Variants in MLC1 observed in about 807,000 individuals in gnomAD.
MLC1 encodes membrane protein MLC1.
MLC1 carries 32 observed loss-of-function variants against 44.7 expected under a neutral mutation model. That is an observed-to-expected ratio of 0.72 (90% confidence interval 0.54 to 0.96). The LOEUF is 0.96. MLC1 is among the 40% of genes least tolerant of loss of function. The pLI, the probability that MLC1 is intolerant of heterozygous loss-of-function variation, is 0.00. For synonymous variants in MLC1, 190 were observed against 213.0 expected (o/e 0.89, Z 0.94); for missense variants, 459 against 492.2 (o/e 0.93, Z 0.64).
At chr22:50,064,813 G>C (rs1431023066) in intron 10 of MLC1, among the ~76,000 whole-genome samples, 1 of 152,176 alleles carries the variant, frequency 6.6e-6, no homozygotes, top group African/African-American at 2.4e-5. Flanking sequence ...TCCCGTGTTG[G>C]CTCAAGAAAA....
intron 10 of MLC1, among the ~76,000 whole-genome samples, chr22:50,066,644 A>G (rs1459834911): frequency 6.6e-6 from 1 of 150,618 alleles, no homozygotes; most frequent in Non-Finnish European, 1.5e-5. Flanking sequence ...TGGGAGACAG[A>G]GTGAGACTCT....
chr22:50,083,931 G>A lies in MLC1; in HGVS notation c.178-758C>T, dbSNP rs755271455. 2.4e-4 allele frequency among the ~76,000 whole-genome samples: 37 copies of A among 152,150 alleles called. No individual in the cohort carries two copies. Among genetic ancestry groups the A allele is most frequent in the Non-Finnish European group, 5.0e-4 (34 of 67,964 alleles). ...AGATGGCCACCACCACCCGGGAGCC[G>A]CCTCTGTCCCCAGCTCCGAGGCAGA... On this transcript the variant is annotated intron_variant, in intron 2 of 11. Coordinates refer to ENST00000311597, the MANE Select transcript of MLC1 (RefSeq NM_015166.4). This position sits in a 1 kb window ranked among gnomAD's most constrained non-coding sequence, Gnocchi z 4.6.
chr22:50,064,515 G>A (rs910526694), intron 10 of MLC1, among the ~76,000 whole-genome samples: 7 of 152,154 alleles, frequency 4.6e-5, no homozygotes, highest in African/African-American at 1.4e-4. Flanking sequence ...TCCAACACGC[G>A]CAAGGCTCAG....
chr22:50,061,399 A>G lies in MLC1; in HGVS notation c.*184T>C. On this transcript the variant is annotated 3_prime_UTR_variant, in exon 12 of 12. Coordinates refer to ENST00000311597, the MANE Select transcript of MLC1 (RefSeq NM_015166.4). ...GACTGATCTCACTGAGGCACAGACT[A>G]GCCAACATTGGCCTATTTTAAAATT... The G allele has an allele frequency of 1.5e-6, 1 of 661,938 alleles. No individual in the cohort carries two copies. The highest frequency in any genetic ancestry group is 2.7e-6 in the Non-Finnish European group (1 of 370,962). 41.0% of individuals were successfully genotyped at this position (661,938 alleles called of 1,614,324 possible).
chr22:50,077,008 C>A (rs1170778574), intron 6 of MLC1, 96 bp from the exon 7 acceptor site: 1 of 1,358,744 alleles, frequency 7.4e-7, no homozygotes, highest in Non-Finnish European at 1.1e-6. Flanking sequence ...GTCAGGTCAG[C>A]CTGCCGTGTA....
rs1284156217 is a variant in MLC1, at chr22:50,083,052, G to T, written c.267+32C>A. On this transcript the variant is annotated intron_variant, in intron 3 of 11. Transcript: ENST00000311597. The surrounding 1 kb of genome is among the most constrained non-coding windows in gnomAD (Gnocchi z 4.6). ...CCAGAGCACGTGCCGGCGAGCTTGGGCACTGGCAGAGGCGTGGAGGAAGCT... is the reference window on the plus strand; with the variant it reads ...CCAGAGCACGTGCCGGCGAGCTTGGTCACTGGCAGAGGCGTGGAGGAAGCT... 7 of 1,602,116 alleles carry T rather than the reference G, an allele frequency of 4.4e-6. No homozygotes were observed. Among genetic ancestry groups the T allele is most frequent in the Admixed American group, 1.7e-5 (1 of 60,000 alleles).
At position 50,061,187 on chromosome 22, in the gene MLC1, A is replaced by C. The variant is rs1181840643; in HGVS notation, c.*396T>G. On this transcript the variant is annotated 3_prime_UTR_variant, in exon 12 of 12. Coordinates refer to ENST00000311597, the MANE Select transcript of MLC1 (RefSeq NM_015166.4). ...GAAGCCCGGTCAGAGTGGGCAGGAG[A>C]CGCAGGGACCCACAGTCTGGTCAGG... 6.5e-6 allele frequency: 2 copies of C among 308,864 alleles called. No homozygotes were observed. Among genetic ancestry groups the C allele is most frequent in the Non-Finnish European group, 1.3e-5 (2 of 158,806 alleles). The allele number at this position is 308,864 out of a possible 1,614,324, so 19.1% of individuals were successfully genotyped here.
At chr22:50,074,354 C>T (rs768856984) in intron 7 of MLC1, 22 bp from the exon 8 acceptor site, 28 of 1,591,930 alleles carry the variant, frequency 1.8e-5, no homozygotes, top group East Asian at 8.9e-5. Flanking sequence ...AGGACAGCAT[C>T]GGCTCATAAG....
intron 7 of MLC1, among the ~76,000 whole-genome samples, chr22:50,075,440 G>A (rs1013453994): frequency 2.0e-5 from 3 of 152,138 alleles, no homozygotes; most frequent in African/African-American, 4.8e-5. Flanking sequence ...AGCCAGGCAC[G>A]GCGGCTCATG....
intron 5 of MLC1, among the ~76,000 whole-genome samples, chr22:50,078,387 A>G (rs2062035120): frequency 6.6e-6 from 1 of 152,246 alleles, no homozygotes; most frequent in Non-Finnish European, 1.5e-5. Context: ...ACAGAGCCAC[A>G]GGAAGATGTA....
At position 50,061,792 on chromosome 22, in the gene MLC1, C is replaced by G. The variant is rs2061564453; in HGVS notation, c.1060-135G>C. 19 of 796,056 alleles carry G rather than the reference C, an allele frequency of 2.4e-5. No individual in the cohort carries two copies. In the South Asian group the frequency reaches 2.6e-4, roughly 11 times the overall value. 49.3% of individuals were successfully genotyped at this position (796,056 alleles called of 1,614,324 possible). A position where few individuals can be genotyped will look rare whatever the true frequency, so the allele number is the denominator to read the frequency against. On this transcript the variant is annotated intron_variant, in intron 11 of 11. Coordinates refer to ENST00000311597, the MANE Select transcript of MLC1 (RefSeq NM_015166.4). The stretch of plus-strand genomic sequence containing the variant: ...TTCGAATGTGAAGGAAGTGGGGAAA[C>G]TAACCCCTGGGCCTCTGTGGAAAGA...
In MLC1 at chr22:50,084,798, G is replaced by A. The variant is rs573095096; in HGVS notation, c.105C>T (p.Ser35=). 31 of 1,613,964 alleles carry A rather than the reference G, an allele frequency of 1.9e-5. No individual in the cohort carries two copies. The highest frequency in any genetic ancestry group is 1.0e-4 in the Admixed American group (6 of 60,028). The stretch of plus-strand genomic sequence containing the variant: ...GCAGTCTCTTCGACAGCTGCAGGTC[G>A]CTCGGCTTCGCGTCTGGGGCATAGC... ...PASYAPDAKP[S]DLQLSKRLPP... The change falls in exon 2 of 12, where the codon AGC becomes AGT. Residue 35 remains serine, a synonymous_variant. Coordinates refer to ENST00000311597, the MANE Select transcript of MLC1 (RefSeq NM_015166.4).
chr22:50,061,264 G>C lies in MLC1; in HGVS notation c.*319C>G. 6.8e-6 allele frequency: 3 copies of C among 439,604 alleles called. No homozygotes were observed. The highest frequency in any genetic ancestry group is 6.4e-5 in the South Asian group (3 of 47,010). The allele number at this position is 439,604 out of a possible 1,614,324, so 27.2% of individuals were successfully genotyped here. A position where few individuals can be genotyped will look rare whatever the true frequency, so the allele number is the denominator to read the frequency against. ...CATGAGAGAGGCAGGAAGAGGAGCT[G>C]GGGCCAGTTCAGGGGTGGGGCTCTC... On this transcript the variant is annotated 3_prime_UTR_variant, in exon 12 of 12. Coordinates refer to ENST00000311597, the MANE Select transcript of MLC1 (RefSeq NM_015166.4).
chr22:50,069,923 C>G (rs576824879), intron 9 of MLC1, among the ~76,000 whole-genome samples: 1 of 151,958 alleles, frequency 6.6e-6, no homozygotes, highest in Non-Finnish European at 1.5e-5. Flanking sequence ...CAGTTTCGGC[C>G]GGGCGTGGTG....
At chr22:50,072,167 G>A (rs2061867918) in intron 8 of MLC1, among the ~76,000 whole-genome samples, 1 of 152,250 alleles carries the variant, frequency 6.6e-6, no homozygotes, top group Non-Finnish European at 1.5e-5. Flanking sequence ...GCCCCAGTGA[G>A]CCATGGGAGG....
intron 5 of MLC1, among the ~76,000 whole-genome samples, chr22:50,077,753 T>C (rs531087494): frequency 3.3e-5 from 5 of 152,280 alleles, no homozygotes; most frequent in African/African-American, 1.2e-4. Context: ...CAGGGCTGGA[T>C]TTGGCCTTGG....
chr22:50,063,913 C>A (rs1286083652), intron 11 of MLC1, 121 bp downstream of exon 11: 16 of 1,172,808 alleles, frequency 1.4e-5, no homozygotes, highest in Non-Finnish European at 1.8e-5. Flanking sequence ...CGGCTGGGCA[C>A]CCCTGTGGGC....
Position 50,068,524 on chromosome 22 carries a change from G to A in MLC1, c.803C>T (p.Thr268Met), listed in dbSNP as rs780903222. The change falls in exon 10 of 12, where the codon ACG becomes ATG. Residue 268 changes from threonine (T) to methionine (M), a missense_variant. Thr to Met is a moderately conservative substitution (Grantham distance 81). Coordinates refer to ENST00000311597, the MANE Select transcript of MLC1 (RefSeq NM_015166.4). ...AGAGGCTGTGAACAGCAGCGGAGAC[G>A]TGAGGCTGCTTATGGCAATCAGGAC... ...VEVLIAISSL[T>M]SPLLFTASGY... The A allele has an allele frequency of 2.2e-5, 36 of 1,612,750 alleles. No homozygotes were observed. The Admixed American group carries it at 4.8e-4, about 22-fold the overall frequency.
At chr22:50,080,762 A>G (rs1305853220) in intron 3 of MLC1, among the ~76,000 whole-genome samples, 3 of 152,160 alleles carry the variant, frequency 2.0e-5, no homozygotes, top group African/African-American at 7.2e-5. Context: ...TGCTAAAAAG[A>G]TATTTGTTAA....
Sources: allele counts gnomAD v4.1 joint callset (sites outside exome capture counted in the v4.1 genomes callset), GRCh38; gene constraint gnomAD v4.1.1; non-coding constraint Gnocchi (gnomAD v3.1); transcripts MANE v1.5; gene names NCBI Gene and HGNC (gene_info 2026-07-23, HGNC 2026-07-21).